THSD4: variants seen among roughly 807,000 people sequenced by gnomAD.
THSD4 encodes the protein thrombospondin type-1 domain-containing protein 4.
In THSD4, 69 loss-of-function variants were observed where a neutral mutation model predicts 119.0. That is an observed-to-expected ratio of 0.58 (90% CI 0.48 to 0.71). THSD4 has a LOEUF of 0.71. Ranked by LOEUF, THSD4 falls within the 30% of genes least tolerant of loss-of-function variation. The pLI is 0.00. For synonymous variants in THSD4, 524 were observed against 540.4 expected (o/e 0.97, Z 0.42); for missense variants, 1,393 against 1,391.1 (o/e 1.00, Z -0.02).
At chr15:71,454,759 C>T (rs183681405) in intron 7 of THSD4, among the ~76,000 whole-genome samples, 1 of 152,312 alleles carries the variant, frequency 6.6e-6, no homozygotes, top group East Asian at 1.9e-4. Flanking sequence ...CCTCCCTTTG[C>T]AATCTCAGCT....
chr15:71,527,177 G>C (rs969316588), intron 7 of THSD4, among the ~76,000 whole-genome samples: 32 of 152,122 alleles, frequency 2.1e-4, no homozygotes, highest in African/African-American at 7.5e-4. Context: ...CTTGAAAGTA[G>C]AGACGGGGCC....
intron 8 of THSD4, among the ~76,000 whole-genome samples, chr15:71,672,678 T>C (rs916906036): frequency 1.3e-5 from 2 of 152,208 alleles, no homozygotes; most frequent in Non-Finnish European, 2.9e-5. Flanking sequence ...ACCTAGTTTA[T>C]TGAGAGTTTT....
At chr15:71,359,791 A>G (rs888029340) in intron 6 of THSD4, among the ~76,000 whole-genome samples, 3 of 152,152 alleles carry the variant, frequency 2.0e-5, no homozygotes, top group African/African-American at 7.2e-5. Context: ...GCCTGAGATC[A>G]TGCCGGTTCA....
intron 8 of THSD4, among the ~76,000 whole-genome samples, chr15:71,706,971 A>G (rs1013163150): frequency 6.6e-5 from 10 of 152,150 alleles, no homozygotes; most frequent in Non-Finnish European, 1.2e-4. Context: ...GAGATAAGAG[A>G]TGGGAGGGAG....
chr15:71,294,530 G>A (rs1201059450), intron 6 of THSD4, among the ~76,000 whole-genome samples: 2 of 152,076 alleles, frequency 1.3e-5, no homozygotes, highest in Non-Finnish European at 2.9e-5. Flanking sequence ...TTAAGAAAGG[G>A]TCTTGGCCTG....
rs1342489575 is a variant in THSD4, at chr15:71,115,909, T to A, written c.-80+211T>A. Among the ~76,000 whole-genome samples the A allele has an allele frequency of 1.3e-5, 2 of 152,076 alleles. No homozygotes were observed. Among genetic ancestry groups the A allele is most frequent in the Non-Finnish European group, 1.5e-5 (1 of 67,986 alleles). On this transcript the variant is annotated intron_variant, in intron 1 of 17. Transcript: ENST00000261862. The surrounding 1 kb of genome is among the most constrained non-coding windows in gnomAD (Gnocchi z 4.4). Reference sequence around the variant, plus strand: ...GGTCCGTGCGGACGGCTGCGCCTCCTTCTCTGGTTCTCTTCCTTGCTGGGA... The same window carrying A: ...GGTCCGTGCGGACGGCTGCGCCTCCATCTCTGGTTCTCTTCCTTGCTGGGA...
chr15:71,754,559 G>C (rs1359043717), intron 14 of THSD4, among the ~76,000 whole-genome samples: 1 of 152,118 alleles, frequency 6.6e-6, no homozygotes, highest in Non-Finnish European at 1.5e-5. Flanking sequence ...CTGAGTCATT[G>C]TCCCAGATTT....
At chr15:71,249,040 GTCTT>G (rs1422568444) in intron 5 of THSD4, among the ~76,000 whole-genome samples, 24 of 152,018 alleles carry the variant, frequency 1.6e-4, no homozygotes, top group Non-Finnish European at 2.9e-5. Flanking sequence ...TGCAGCATTT[GTCTT>G]TCTGTCTTCT....
intron 6 of THSD4, among the ~76,000 whole-genome samples, chr15:71,384,360 G>A (rs558898166): frequency 1.7e-4 from 26 of 151,948 alleles, no homozygotes; most frequent in African/African-American, 3.6e-4. Context: ...CCTGGGCAAC[G>A]GTACAGAGCA....
chr15:71,425,327 A>C (rs1402487119), intron 7 of THSD4, among the ~76,000 whole-genome samples: 1 of 152,212 alleles, frequency 6.6e-6, no homozygotes, highest in Non-Finnish European at 1.5e-5. Flanking sequence ...TTTTAGGCTG[A>C]ATTGTTAATC....
chr15:71,728,481 G>A, intron 8 of THSD4, 68 bp from the exon 9 acceptor site: 2 of 1,558,618 alleles, frequency 1.3e-6, no homozygotes, highest in Non-Finnish European at 1.8e-6. Flanking sequence ...CAGAAACTGG[G>A]GGAGTCAGTT....
intron 14 of THSD4, among the ~76,000 whole-genome samples, chr15:71,750,954 G>A (rs1419638055): frequency 6.6e-6 from 1 of 152,168 alleles, no homozygotes; most frequent in African/African-American, 2.4e-5. Context: ...CCCTGACATA[G>A]GTCACAGCTC....
intron 6 of THSD4, among the ~76,000 whole-genome samples, chr15:71,388,570 G>A (rs2046323590): frequency 6.6e-6 from 1 of 152,114 alleles, no homozygotes; most frequent in Admixed American, 6.5e-5. Flanking sequence ...ATAGGACAGA[G>A]TGGTCTGGTA....
In THSD4 at chr15:71,695,713, G is replaced by A. The variant is rs79180296; in HGVS notation, c.1358-32836G>A. ...CCCCTGCACACTCAGGAGGCAGGAC[G>A]GATGTTGCTTTCTTCTTCCTTCACA... On this transcript the variant is annotated intron_variant, in intron 8 of 17. Transcript: ENST00000261862. Among the ~76,000 whole-genome samples, 63 of 152,202 alleles carry A rather than the reference G, an allele frequency of 4.1e-4. No homozygotes were observed. The East Asian group carries it at 0.011, about 27-fold the overall frequency.
At chr15:71,265,819 C>T (rs1220667885) in intron 6 of THSD4, among the ~76,000 whole-genome samples, 1 of 152,198 alleles carries the variant, frequency 6.6e-6, no homozygotes, top group Non-Finnish European at 1.5e-5. Flanking sequence ...GTTTTCCCCT[C>T]ACAATGTAAA....
intron 7 of THSD4, among the ~76,000 whole-genome samples, chr15:71,510,558 C>T (rs4349101): frequency 0.8 from 122,000 of 152,142 alleles, 49,082 homozygotes; most frequent in East Asian, 0.94. Flanking sequence ...TTGGTTAGGA[C>T]GTCTACAGAG....
At chr15:71,336,947 G>T (rs2045496562) in intron 6 of THSD4, among the ~76,000 whole-genome samples, 1 of 152,164 alleles carries the variant, frequency 6.6e-6, no homozygotes, top group Admixed American at 6.5e-5. Flanking sequence ...GGTGGCAAAG[G>T]GCAGTTTTTG....
intron 6 of THSD4, among the ~76,000 whole-genome samples, chr15:71,407,585 T>C (rs1274627037): frequency 1.9e-5 from 2 of 104,756 alleles, no homozygotes; most frequent in African/African-American, 7.2e-5. Context: ...TTTTCTTGTA[T>C]AGTCACCAGC....
At chr15:71,444,656 A>G (rs541477438) in intron 7 of THSD4, among the ~76,000 whole-genome samples, 1 of 152,136 alleles carries the variant, frequency 6.6e-6, no homozygotes, top group South Asian at 2.1e-4. Flanking sequence ...GGTGAGTGAC[A>G]CCTCCACTCA....
Sources: gnomAD v4.1 joint callset for allele counts (sites outside exome capture counted in the v4.1 genomes callset) on GRCh38, gnomAD v4.1.1 for gene constraint, Gnocchi (gnomAD v3.1) non-coding constraint, MANE v1.5 for transcripts, NCBI Gene and HGNC (gene_info 2026-07-23, HGNC 2026-07-21) for gene names.